The following SNRPD1 variants were observed in gnomAD, a reference collection of about 807,000 sequenced individuals.
The protein encoded by SNRPD1 is small nuclear ribonucleoprotein D1 polypeptide.
A neutral mutation model predicts 14.4 loss-of-function variants in SNRPD1; 1 was observed. That is an observed-to-expected ratio of 0.07 (90% CI 0.02 to 0.33). The LOEUF is 0.33. SNRPD1 is among the 10% of genes least tolerant of loss of function. The probability of loss-of-function intolerance (pLI) is 1.00; values close to 1 mark genes in which losing one functional copy is unlikely to be tolerated. For missense variants in SNRPD1, 52 were observed against 146.4 expected (o/e 0.36, Z 3.33); for synonymous variants, 42 against 50.3 (o/e 0.83, Z 0.70).
At chr18:21,614,214 C>T (rs1304399181) in intron 1 of SNRPD1, among the ~76,000 whole-genome samples, 1 of 152,146 alleles carries the variant, frequency 6.6e-6, no homozygotes, top group African/African-American at 2.4e-5. Context: ...TTGCAGTGAG[C>T]TGAGATCGCA....
chr18:21,615,987 CTTAT>C lies in SNRPD1; in HGVS notation c.14+3547_14+3550del, dbSNP rs1469090821. On this transcript the variant is annotated intron_variant, in intron 1 of 3. Transcript: ENST00000300413. ...TCCTTAGGGTTTAGTCGGTTTTTTGCTTATTTGTTTGTTTTTGAGGCGGAGTCTC... is the reference window on the plus strand; with the variant it reads ...TCCTTAGGGTTTAGTCGGTTTTTTGCTTGTTTGTTTTTGAGGCGGAGTCTC... 3.3e-5 allele frequency among the ~76,000 whole-genome samples: 5 copies of C among 152,018 alleles called. No individual in the cohort carries two copies. In the East Asian group the frequency reaches 7.7e-4, roughly 24 times the overall value.
intron 3 of SNRPD1, among the ~76,000 whole-genome samples, chr18:21,626,394 C>CG (rs2039039060): frequency 2.0e-5 from 1 of 51,086 alleles, no homozygotes. Context: ...ACCCTGTCGC[C>CG]AAAAAAAAAA....
chr18:21,615,200 C>T (rs575809737), intron 1 of SNRPD1, among the ~76,000 whole-genome samples: 53 of 152,290 alleles, frequency 3.5e-4, no homozygotes, highest in African/African-American at 1.3e-3. Context: ...TTTGGAATCA[C>T]AAAGTATTTT....
chr18:21,612,325 G>C lies in SNRPD1; in HGVS notation c.-105G>C, dbSNP rs1020146663. On this transcript the variant is annotated 5_prime_UTR_variant, in exon 1 of 4. Coordinates refer to ENST00000300413, the MANE Select transcript of SNRPD1 (RefSeq NM_006938.4). The stretch of plus-strand genomic sequence containing the variant: ...GTGCTCCGCGCGCTCTTGACGTCCG[G>C]AGCCCCTGGAGTAGGCGCTTCCGGC... The C allele has an allele frequency of 7.5e-6, 6 of 795,622 alleles. No homozygotes were observed. Among genetic ancestry groups the C allele is most frequent in the South Asian group, 2.5e-5 (1 of 40,384 alleles). The allele number at this position is 795,622 out of a possible 1,614,324, so 49.3% of individuals were successfully genotyped here. A position where few individuals can be genotyped will look rare whatever the true frequency, so the allele number is the denominator to read the frequency against.
At position 21,633,010 on chromosome 18, in the gene SNRPD1, C is replaced by T. The variant is rs1298203728; in HGVS notation, c.*3872C>T. 6.6e-6 allele frequency: 1 copy of T among 152,104 alleles called. No homozygotes were observed. The highest frequency in any genetic ancestry group is 1.5e-5 in the Non-Finnish European group (1 of 68,084). 9.4% of individuals were successfully genotyped at this position (152,104 alleles called of 1,614,324 possible). ...AGACTACAGGTGCCCACCACTATGC[C>T]CGGCTAATGTTTTGTACTTTTAGTA... On this transcript the variant is annotated 3_prime_UTR_variant, in exon 4 of 4. Coordinates refer to ENST00000300413, the MANE Select transcript of SNRPD1 (RefSeq NM_006938.4).
intron 3 of SNRPD1, among the ~76,000 whole-genome samples, chr18:21,624,688 C>T (rs1295589317): frequency 2.7e-5 from 3 of 110,222 alleles, no homozygotes; most frequent in Non-Finnish European, 5.0e-5. Context: ...GAGACTTTGT[C>T]TCAAAAAAAA....
Position 21,628,725 on chromosome 18 carries a change from T to C in SNRPD1, c.284-337T>C, listed in dbSNP as rs531218838. Among the ~76,000 whole-genome samples, 5 of 152,352 alleles carry C rather than the reference T, an allele frequency of 3.3e-5. No individual in the cohort carries two copies. The East Asian group carries it at 9.6e-4, about 29-fold the overall frequency. ...TATTCTGTGATATATATCTTCCCTT[T>C]TTTTGTGAGGTTCAAATCATTTTAT... On this transcript the variant is annotated intron_variant, in intron 3 of 3. Coordinates refer to ENST00000300413, the MANE Select transcript of SNRPD1 (RefSeq NM_006938.4).
At chr18:21,620,645 T>A (rs1343096729) in intron 1 of SNRPD1, among the ~76,000 whole-genome samples, 1 of 152,232 alleles carries the variant, frequency 6.6e-6, no homozygotes, top group African/African-American at 2.4e-5. Flanking sequence ...TTTTTTACAA[T>A]CTTGGCATAG....
chr18:21,633,376 C>A lies in SNRPD1; in HGVS notation c.*4238C>A, dbSNP rs116580198. 1 of 152,014 alleles carries A rather than the reference C, an allele frequency of 6.6e-6. No individual in the cohort carries two copies. Among genetic ancestry groups the A allele is most frequent in the African/African-American group, 2.4e-5 (1 of 41,386 alleles). The allele number at this position is 152,014 out of a possible 1,614,324, so 9.4% of individuals were successfully genotyped here. A position where few individuals can be genotyped will look rare whatever the true frequency, so the allele number is the denominator to read the frequency against. ...CAGTTCTTGTTCCTGAAGACTTAAC[C>A]TAGAAAATAACTCCATAACAAGAAG... On this transcript the variant is annotated 3_prime_UTR_variant, in exon 4 of 4. Coordinates refer to ENST00000300413, the MANE Select transcript of SNRPD1 (RefSeq NM_006938.4).
chr18:21,625,800 C>T (rs1002735043), intron 3 of SNRPD1, among the ~76,000 whole-genome samples: 3 of 151,892 alleles, frequency 2.0e-5, no homozygotes, highest in Admixed American at 6.6e-5. Flanking sequence ...TTAGTAGAGA[C>T]GGGGTTTCAC....
rs1409148569 is a variant in SNRPD1 at position 21,631,457 on chromosome 18, G to C, written c.*2319G>C. 2 of 105,536 alleles carry C rather than the reference G, an allele frequency of 1.9e-5. No homozygotes were observed. Among genetic ancestry groups the C allele is most frequent in the Non-Finnish European group, 3.6e-5 (2 of 55,302 alleles). The allele number at this position is 105,536 out of a possible 1,614,324, so 6.5% of individuals were successfully genotyped here. Reference sequence around the variant, plus strand: ...TTTTTTTTTTTTTTTTTTTTTTCTGGAGACAGTCTTGCTCTGTTGCCCAGG... The same window carrying C: ...TTTTTTTTTTTTTTTTTTTTTTCTGCAGACAGTCTTGCTCTGTTGCCCAGG... On this transcript the variant is annotated 3_prime_UTR_variant, in exon 4 of 4. Transcript: ENST00000300413.
intron 1 of SNRPD1, among the ~76,000 whole-genome samples, chr18:21,614,372 C>A (rs985332995): frequency 6.6e-6 from 1 of 152,144 alleles, no homozygotes; most frequent in African/African-American, 2.4e-5. Context: ...TCCATTTGTT[C>A]CCTTTAAAGA....
chr18:21,627,195 A>T (rs1253032334), intron 3 of SNRPD1, among the ~76,000 whole-genome samples: 1 of 151,920 alleles, frequency 6.6e-6, no homozygotes, highest in Non-Finnish European at 1.5e-5. Flanking sequence ...CTTGAACCCG[A>T]GAGGCGGAGA....
chr18:21,625,316 ATTTTT>A (rs144395165), intron 3 of SNRPD1, among the ~76,000 whole-genome samples: 1 of 109,102 alleles, frequency 9.2e-6, no homozygotes, highest in African/African-American at 5.0e-5. Flanking sequence ...GTTGAAAAAA[ATTTTT>A]TTTTTTTTTT....
intron 1 of SNRPD1, among the ~76,000 whole-genome samples, chr18:21,613,060 A>G (rs745888763): frequency 1.3e-5 from 2 of 152,214 alleles, no homozygotes; most frequent in South Asian, 2.1e-4. Flanking sequence ...TTCCACCTCT[A>G]TTTCCCTTTA....
At chr18:21,613,260 T>A (rs1033731629) in intron 1 of SNRPD1, among the ~76,000 whole-genome samples, 3 of 152,196 alleles carry the variant, frequency 2.0e-5, no homozygotes, top group Non-Finnish European at 4.4e-5. Flanking sequence ...TACCTGCAAG[T>A]AGATTTGGTT....
intron 3 of SNRPD1, among the ~76,000 whole-genome samples, 189 bp from the exon 4 acceptor site, chr18:21,628,870 GATA>G (rs1452007524): frequency 6.6e-6 from 1 of 150,730 alleles, no homozygotes; most frequent in African/African-American, 2.4e-5. Context: ...GGTTCTGCAT[GATA>G]ATGTGTTGGG....
Position 21,622,807 on chromosome 18 carries a change from G to C in SNRPD1, c.91+6G>C, listed in dbSNP as rs772676944. On this transcript the variant is annotated splice_donor_region_variant and intron_variant, in intron 2 of 3. Coordinates refer to ENST00000300413, the MANE Select transcript of SNRPD1 (RefSeq NM_006938.4). Reference sequence around the variant, plus strand: ...GGTCCATGGAACAATCACAGGTACGGAGGTTGGACTGCTTTTATAACATTT... The same window carrying C: ...GGTCCATGGAACAATCACAGGTACGCAGGTTGGACTGCTTTTATAACATTT... 3 of 1,484,816 alleles carry C rather than the reference G, an allele frequency of 2.0e-6. No individual in the cohort carries two copies. In the African/African-American group the frequency reaches 4.2e-5, roughly 21 times the overall value. The allele number at this position is 1,484,816 out of a possible 1,614,324, so 92.0% of individuals were successfully genotyped here. A position where few individuals can be genotyped will look rare whatever the true frequency, so the allele number is the denominator to read the frequency against.
rs1018541903 is a variant in SNRPD1 at position 21,633,325 on chromosome 18, T to C, written c.*4187T>C. ...ATTCATGTATTACCTATAATAGATA[T>C]CATACATATAACATTTAATAACATA... On this transcript the variant is annotated 3_prime_UTR_variant, in exon 4 of 4. Coordinates refer to ENST00000300413, the MANE Select transcript of SNRPD1 (RefSeq NM_006938.4). 11 of 152,178 alleles carry C rather than the reference T, an allele frequency of 7.2e-5. No homozygotes were observed. Among genetic ancestry groups the C allele is most frequent in the Admixed American group, 4.6e-4 (7 of 15,268 alleles). 9.4% of individuals were successfully genotyped at this position (152,178 alleles called of 1,614,324 possible).
Sources: gnomAD v4.1 joint callset for allele counts (sites outside exome capture counted in the v4.1 genomes callset) on GRCh38, gnomAD v4.1.1 for gene constraint, MANE v1.5 for transcripts, NCBI Gene and HGNC (gene_info 2026-07-23, HGNC 2026-07-21) for gene names.